The following ALKBH1 variants were observed in gnomAD, a reference collection of about 807,000 sequenced individuals.
ALKBH1 encodes the protein alkB homolog 1, histone H2A dioxygenase, also known as nucleic acid dioxygenase ALKBH1.
A neutral mutation model predicts 36.6 loss-of-function variants in ALKBH1; 31 were observed. The ratio of observed to expected loss-of-function variants is 0.85; its 90% CI spans 0.64 to 1.14. The LOEUF (loss-of-function observed/expected upper bound fraction) is 1.14, where lower values mean the gene tolerates loss of function less well. ALKBH1 is among the 50% of genes most tolerant of loss of function. The pLI is 0.00. For missense variants in ALKBH1, 490 were observed against 497.3 expected, an observed-to-expected ratio of 0.99 and a Z score of 0.14; for synonymous variants, 183 against 186.6, an observed-to-expected ratio of 0.98 and a Z score of 0.16.
chr14:77,703,342 G>A (rs921418266), intron 2 of ALKBH1, among the ~76,000 whole-genome samples: 5 of 149,690 alleles, frequency 3.3e-5, no homozygotes, highest in Admixed American at 1.3e-4. Flanking sequence ...TGCCCAGGCT[G>A]GAGTGCAGTG....
At chr14:77,702,984 T>C (rs2080367774) in intron 2 of ALKBH1, among the ~76,000 whole-genome samples, 1 of 152,028 alleles carries the variant, frequency 6.6e-6, no homozygotes, top group Non-Finnish European at 1.5e-5. Context: ...AAACCCTGTC[T>C]CTACTAAAAA....
chr14:77,677,566 T>G (rs2080212743), intron 4 of ALKBH1, among the ~76,000 whole-genome samples: 1 of 152,224 alleles, frequency 6.6e-6, no homozygotes, highest in African/African-American at 2.4e-5. Context: ...ATATCTCTAC[T>G]AGCGTCTGAA....
At chr14:77,706,686 G>A (rs1165398502) in intron 1 of ALKBH1, among the ~76,000 whole-genome samples, 1 of 152,148 alleles carries the variant, frequency 6.6e-6, no homozygotes, top group Admixed American at 6.5e-5. Flanking sequence ...ACATATTATG[G>A]TAAAATGTAG....
At chr14:77,677,071 GT>G (rs1474317562) in intron 4 of ALKBH1, among the ~76,000 whole-genome samples, 4 of 149,230 alleles carry the variant, frequency 2.7e-5, no homozygotes, top group African/African-American at 9.9e-5. Flanking sequence ...ACTGAGTCTC[GT>G]TCTGTCACCC....
At chr14:77,677,015 A>T (rs1211529570) in intron 4 of ALKBH1, among the ~76,000 whole-genome samples, 1 of 151,310 alleles carries the variant, frequency 6.6e-6, no homozygotes, top group Non-Finnish European at 1.5e-5. Flanking sequence ...TTTTCCAGTT[A>T]AAAAAAAATA....
At chr14:77,679,808 G>C in intron 4 of ALKBH1, 72 bp downstream of exon 4, 1 of 1,135,674 alleles carries the variant, frequency 8.8e-7, no homozygotes, top group South Asian at 1.3e-5. Context: ...AGCGTGGTTA[G>C]GAAGAAATAC....
chr14:77,685,556 T>C (rs960868992), intron 3 of ALKBH1, among the ~76,000 whole-genome samples: 2 of 152,012 alleles, frequency 1.3e-5, no homozygotes, highest in African/African-American at 4.8e-5. Flanking sequence ...GTGGGCAGAT[T>C]GCCTTAGCTC....
At chr14:77,683,364 G>A (rs1237289385) in intron 3 of ALKBH1, 4 of 764,136 alleles carry the variant, frequency 5.2e-6, no homozygotes, top group Non-Finnish European at 9.5e-6. Context: ...CACGTTTCAG[G>A]AAGCTATCTC....
intron 2 of ALKBH1, among the ~76,000 whole-genome samples, chr14:77,695,124 C>T (rs2080320160): frequency 6.6e-6 from 1 of 152,172 alleles, no homozygotes; most frequent in African/African-American, 2.4e-5. Flanking sequence ...AAATATTCCA[C>T]AACAACTGTT....
chr14:77,706,866 A>G (rs1413401003), intron 1 of ALKBH1, among the ~76,000 whole-genome samples: 1 of 152,204 alleles, frequency 6.6e-6, no homozygotes, highest in African/African-American at 2.4e-5. Context: ...TTAATACTGT[A>G]GCATCCCAAT....
At chr14:77,707,798 C>T (rs746515336) in intron 1 of ALKBH1, 24 bp downstream of exon 1, 3 of 1,566,668 alleles carry the variant, frequency 1.9e-6, no homozygotes, top group African/African-American at 1.4e-5. Flanking sequence ...GATGGAGAGA[C>T]GCGCGCCACT....
chr14:77,684,621 A>G (rs1263239729), intron 3 of ALKBH1, among the ~76,000 whole-genome samples: 1 of 152,160 alleles, frequency 6.6e-6, no homozygotes, highest in Non-Finnish European at 1.5e-5. Context: ...TCAGCCTCCT[A>G]ACAGTCACAG....
intron 2 of ALKBH1, among the ~76,000 whole-genome samples, chr14:77,703,045 G>A (rs1439912913): frequency 1.3e-5 from 2 of 151,956 alleles, no homozygotes; most frequent in Non-Finnish European, 2.9e-5. Flanking sequence ...TCAGCTACTC[G>A]GGAGGCAGAA....
rs775236107 is a variant in ALKBH1, at chr14:77,674,071, C to G, written c.911G>C (p.Cys304Ser). 1.2e-6 allele frequency: 2 copies of G among 1,614,090 alleles called. No individual in the cohort carries two copies. The highest frequency in any genetic ancestry group is 4.5e-5 in the East Asian group (2 of 44,874). The change falls in exon 6 of 6, where the codon TGC (cysteine) becomes TCC (serine). Residue 304 changes from cysteine to serine, a missense_variant. Physicochemically the swap from Cys to Ser is moderately radical, Grantham distance 112. Coordinates refer to ENST00000216489, the MANE Select transcript of ALKBH1 (RefSeq NM_006020.3). ...PNPEGEGLPH[C>S]LEAPLPAVLP... ...GACAGCAGGGAGAGGTGCCTCTAGG[C>G]AGTGAGGCAGGCCTTCCCCTTCTGG... is the stretch of plus-strand genomic sequence containing the variant.
At chr14:77,693,272 C>A (rs569778988) in intron 3 of ALKBH1, among the ~76,000 whole-genome samples, 12 of 146,090 alleles carry the variant, frequency 8.2e-5, no homozygotes, top group Non-Finnish European at 1.8e-4. Context: ...AGGCTGGTAA[C>A]TCCAGGCCTC....
chr14:77,689,820 T>C (rs1264364027), intron 3 of ALKBH1, among the ~76,000 whole-genome samples: 2 of 151,936 alleles, frequency 1.3e-5, no homozygotes, highest in Admixed American at 1.3e-4. Context: ...GCTAAGTTGT[T>C]ATTTGGCAAC....
In ALKBH1 at chr14:77,673,353, C is replaced by T. The variant is rs968475411; in HGVS notation, c.*459G>A. 2 of 159,918 alleles carry T rather than the reference C, an allele frequency of 1.3e-5. No homozygotes were observed. The highest frequency in any genetic ancestry group is 2.8e-5 in the Non-Finnish European group (2 of 72,174). The allele number at this position is 159,918 out of a possible 1,614,324, so 9.9% of individuals were successfully genotyped here. A position where few individuals can be genotyped will look rare whatever the true frequency, so the allele number is the denominator to read the frequency against. ...GAGAAGATCAAAGAATTTGATGATG[C>T]CTGAGGGAGTTAAGAAGATGAGACT... is the stretch of plus-strand genomic sequence containing the variant. On this transcript the variant is annotated 3_prime_UTR_variant, in exon 6 of 6. Coordinates refer to ENST00000216489, the MANE Select transcript of ALKBH1 (RefSeq NM_006020.3).
intron 3 of ALKBH1, among the ~76,000 whole-genome samples, chr14:77,686,446 T>C (rs886576822): frequency 6.6e-6 from 1 of 152,168 alleles, no homozygotes; most frequent in Non-Finnish European, 1.5e-5. Context: ...CCCTAATTAT[T>C]GGGTCTCACT....
chr14:77,704,305 T>C (rs1170756377), intron 2 of ALKBH1, 64 bp downstream of exon 2: 1 of 1,188,912 alleles, frequency 8.4e-7, no homozygotes, highest in African/African-American at 1.5e-5. Flanking sequence ...CAGTACCTTC[T>C]TTGAAGACAT....
Sources: allele counts gnomAD v4.1 joint callset (sites outside exome capture counted in the v4.1 genomes callset), GRCh38; gene constraint gnomAD v4.1.1; transcripts MANE v1.5; gene names NCBI Gene and HGNC (gene_info 2026-07-23, HGNC 2026-07-21).